The following TFAP2D variants were observed in gnomAD, a reference collection of about 807,000 sequenced individuals.
The protein encoded by TFAP2D is transcription factor AP-2-delta.
Under a neutral mutation model 43.6 loss-of-function variants are expected in TFAP2D, and 9 were observed. The ratio of observed to expected loss-of-function variants is 0.21; its 90% confidence interval spans 0.12 to 0.36. The LOEUF is 0.36. Among genes scored for constraint, TFAP2D ranks in the 10% least tolerant of loss-of-function variants. The probability of loss-of-function intolerance (pLI) is 1.00; values close to 1 mark genes in which losing one functional copy is unlikely to be tolerated. For missense variants in TFAP2D, 513 were observed against 561.4 expected, an observed-to-expected ratio of 0.91 and a Z score of 0.87; for synonymous variants, 256 against 224.9, an observed-to-expected ratio of 1.14 and a Z score of -1.24.
At chr6:50,757,778 T>TATTCATAGAATATATATAAA (rs1561940425) in intron 7 of TFAP2D, among the ~76,000 whole-genome samples, 2 of 77,196 alleles carry the variant, frequency 2.6e-5, no homozygotes, top group African/African-American at 9.8e-5. Context: ...ATATATATAA[T>TATTCATAGAATATATATAAA]TATTCTATAT....
chr6:50,758,742 AG>A, intron 7 of TFAP2D, among the ~76,000 whole-genome samples: 1 of 152,160 alleles, frequency 6.6e-6, no homozygotes, highest in Non-Finnish European at 1.5e-5. Flanking sequence ...GTGGCTGGGA[AG>A]GTCATCAACG....
intron 6 of TFAP2D, among the ~76,000 whole-genome samples, chr6:50,750,274 A>G (rs1371307661): frequency 6.6e-6 from 1 of 151,876 alleles, no homozygotes; most frequent in Non-Finnish European, 1.5e-5. Flanking sequence ...GGGCTACATT[A>G]TTACATTTTT....
At chr6:50,741,964 C>G (rs1351091380) in intron 5 of TFAP2D, among the ~76,000 whole-genome samples, 1 of 151,996 alleles carries the variant, frequency 6.6e-6, no homozygotes, top group African/African-American at 2.4e-5. Context: ...GGCAGAGGAG[C>G]TCATGGATTT....
intron 6 of TFAP2D, 114 bp downstream of exon 6, chr6:50,745,362 C>A: frequency 7.0e-7 from 1 of 1,432,142 alleles, no homozygotes; most frequent in Non-Finnish European, 9.5e-7. Flanking sequence ...CAAGGAAGGT[C>A]TCACACACAA....
chr6:50,764,741 A>G (rs929518332), intron 7 of TFAP2D, among the ~76,000 whole-genome samples: 1 of 152,168 alleles, frequency 6.6e-6, no homozygotes, highest in African/African-American at 2.4e-5. Context: ...ATTGATAATA[A>G]TAGTTTTCCA....
At chr6:50,742,863 T>A (rs1212262951) in intron 5 of TFAP2D, among the ~76,000 whole-genome samples, 1 of 151,898 alleles carries the variant, frequency 6.6e-6, no homozygotes, top group African/African-American at 2.4e-5. Context: ...AAAACATTTT[T>A]ACTTCCAAAT....
chr6:50,759,956 T>G (rs534406648), intron 7 of TFAP2D, among the ~76,000 whole-genome samples: 1 of 152,020 alleles, frequency 6.6e-6, no homozygotes, highest in Non-Finnish European at 1.5e-5. Flanking sequence ...CCAAATTGAG[T>G]TTCATAGAGC....
At chr6:50,768,057 T>C (rs906561971) in intron 7 of TFAP2D, among the ~76,000 whole-genome samples, 1 of 152,196 alleles carries the variant, frequency 6.6e-6, no homozygotes, top group Non-Finnish European at 1.5e-5. Context: ...AAATGCGCTC[T>C]CATCAGTAAT....
chr6:50,722,542 C>A (rs1768743626), intron 3 of TFAP2D, among the ~76,000 whole-genome samples: 1 of 151,862 alleles, frequency 6.6e-6, no homozygotes, highest in Non-Finnish European at 1.5e-5. Context: ...TCTGAGGCTC[C>A]CTTATGGCCG....
At chr6:50,737,142 G>A (rs1485484410) in intron 5 of TFAP2D, among the ~76,000 whole-genome samples, 2 of 151,894 alleles carry the variant, frequency 1.3e-5, no homozygotes, top group African/African-American at 4.8e-5. Context: ...CACCATGCTT[G>A]GCTAATTTTT....
chr6:50,721,948 T>G (rs1173801705), intron 3 of TFAP2D, among the ~76,000 whole-genome samples: 1 of 152,238 alleles, frequency 6.6e-6, no homozygotes, highest in Admixed American at 6.5e-5. Flanking sequence ...ATCAGGGACA[T>G]TGTCCTGGTT....
At chr6:50,749,242 T>A (rs1286152290) in intron 6 of TFAP2D, among the ~76,000 whole-genome samples, 1 of 151,758 alleles carries the variant, frequency 6.6e-6, no homozygotes, top group African/African-American at 2.4e-5. Context: ...ATGAGTTAAA[T>A]TTTTCCACCT....
At chr6:50,735,295 T>C (rs1373843406) in intron 5 of TFAP2D, among the ~76,000 whole-genome samples, 2 of 152,120 alleles carry the variant, frequency 1.3e-5, no homozygotes, top group Non-Finnish European at 2.9e-5. Context: ...GTGGCATATA[T>C]CATGAACAGT....
chr6:50,767,304 A>C (rs1019629436), intron 7 of TFAP2D, among the ~76,000 whole-genome samples: 3 of 152,168 alleles, frequency 2.0e-5, no homozygotes, highest in Non-Finnish European at 4.4e-5. Flanking sequence ...ATTGAGTATG[A>C]TGTTAGCTGT....
chr6:50,747,459 A>G (rs531628782), intron 6 of TFAP2D, among the ~76,000 whole-genome samples: 1 of 152,230 alleles, frequency 6.6e-6, no homozygotes, highest in Non-Finnish European at 1.5e-5. Flanking sequence ...AAGAGAAAGC[A>G]CCTTCATTTT....
At chr6:50,759,080 G>A (rs1769329147) in intron 7 of TFAP2D, among the ~76,000 whole-genome samples, 1 of 151,990 alleles carries the variant, frequency 6.6e-6, no homozygotes, top group African/African-American at 2.4e-5. Flanking sequence ...AGAGGTAATT[G>A]TTTCTAATTA....
At chr6:50,747,847 A>G (rs983746795) in intron 6 of TFAP2D, among the ~76,000 whole-genome samples, 1 of 152,064 alleles carries the variant, frequency 6.6e-6, no homozygotes, top group Non-Finnish European at 1.5e-5. Context: ...CCTGGGATCT[A>G]AGTAACATAC....
rs747592412 is a variant in TFAP2D at position 50,751,292 on chromosome 6, C to T, written c.1107C>T (p.Asp369=). 9.5e-5 allele frequency: 153 copies of T among 1,611,268 alleles called. No homozygotes were observed. The highest frequency in any genetic ancestry group is 1.2e-4 in the Non-Finnish European group (144 of 1,178,148). ...CCTCCAGACCCACTCCAATTCTAGA[C>T]CTTGACATCCAGAGACATTTAACAC... ...LGSSRPTPIL[D]LDIQRHLTHF... Residue 369 remains aspartate (D), a synonymous_variant, in exon 7 of 8, where the codon GAC becomes GAT. Coordinates refer to ENST00000008391, the MANE Select transcript of TFAP2D (RefSeq NM_172238.4).
chr6:50,722,032 A>G (rs1768734799), intron 3 of TFAP2D, among the ~76,000 whole-genome samples: 1 of 152,228 alleles, frequency 6.6e-6, no homozygotes, highest in African/African-American at 2.4e-5. Flanking sequence ...AAAGAACAAA[A>G]TAGCGTCGCC....
Sources: allele counts gnomAD v4.1 joint callset (sites outside exome capture counted in the v4.1 genomes callset), GRCh38; gene constraint gnomAD v4.1.1; transcripts MANE v1.5; gene names NCBI Gene and HGNC (gene_info 2026-07-23, HGNC 2026-07-21).